Variants in ADGRD1 observed in about 807,000 individuals in gnomAD.
ADGRD1 encodes adhesion G protein-coupled receptor D1, also known as G-protein coupled receptor 133.
ADGRD1 carries 77 observed loss-of-function variants against 113.4 expected under a neutral mutation model. The observed-to-expected ratio is 0.68, with a 90% CI of 0.57 to 0.82. ADGRD1 has a LOEUF of 0.82. Ranked by LOEUF, ADGRD1 falls within the 40% of genes least tolerant of loss-of-function variation. The pLI, the probability that ADGRD1 is intolerant of heterozygous loss-of-function variation, is 0.00. For missense variants in ADGRD1, 1,036 were observed against 1,139.1 expected, an observed-to-expected ratio of 0.91 and a Z score of 1.30; for synonymous variants, 474 against 475.0, an observed-to-expected ratio of 1.00 and a Z score of 0.03.
intron 15 of ADGRD1, among the ~76,000 whole-genome samples, chr12:131,089,945 G>A (rs1151348): frequency 0.06 from 9,204 of 152,312 alleles, 308 homozygotes; most frequent in Non-Finnish European, 0.07. Flanking sequence ...AGCCCAGTGT[G>A]ACTTCCTTCT....
At chr12:131,123,395 G>A (rs983070511) in intron 20 of ADGRD1, among the ~76,000 whole-genome samples, 2 of 151,876 alleles carry the variant, frequency 1.3e-5, no homozygotes, top group Non-Finnish European at 1.5e-5. Flanking sequence ...CTGAAGTTTC[G>A]GCTTGTTGGC....
rs375084180 is a variant in ADGRD1, at chr12:130,987,200, G to A, written c.596G>A (p.Arg199His). The change falls in exon 6 of 25, where the codon CGT becomes CAT. Residue 199 changes from arginine (R) to histidine (H), a missense_variant. Transcript: ENST00000261654. ...TCTGATCCGAGTGGAAAAGTGTCTC[G>A]TGACTATGGAGAGTCCAACGTCAAC... ...STSDPSGKVS[R>H]DYGESNVNLV... 372 of 1,614,100 alleles carry A rather than the reference G, an allele frequency of 2.3e-4. 1 individual carries two copies. Among genetic ancestry groups the A allele is most frequent in the Non-Finnish European group, 3.0e-4 (352 of 1,180,036 alleles).
intron 13 of ADGRD1, among the ~76,000 whole-genome samples, chr12:131,019,914 G>A (rs1879104182): frequency 1.8e-5 from 1 of 54,568 alleles, no homozygotes; most frequent in Non-Finnish European, 4.5e-5. Flanking sequence ...GCTCCATCAA[G>A]GGCAGGGGGT....
At chr12:131,073,769 G>GT (rs1885361969) in intron 13 of ADGRD1, among the ~76,000 whole-genome samples, 1 of 152,250 alleles carries the variant, frequency 6.6e-6, no homozygotes, top group South Asian at 2.1e-4. Flanking sequence ...GAAAGCCAGT[G>GT]TGAGTGAAAG....
chr12:131,003,930 G>A lies in ADGRD1; in HGVS notation c.1145-256G>A, dbSNP rs558351797. Among the ~76,000 whole-genome samples, 2 of 152,254 alleles carry A rather than the reference G, an allele frequency of 1.3e-5. No homozygotes were observed. Among genetic ancestry groups the A allele is most frequent in the East Asian group, 1.9e-4 (1 of 5,164 alleles). ...TGAGAGCTGGGGGCTGTGCTGGGGC[G>A]GAGGGCGCCCCAGGTGAGGAGCCGC... On this transcript the variant is annotated intron_variant, in intron 10 of 24. Coordinates refer to ENST00000261654, the MANE Select transcript of ADGRD1 (RefSeq NM_198827.5). This position sits in a 1 kb window ranked among gnomAD's most constrained non-coding sequence, Gnocchi z 4.8.
At chr12:131,021,821 G>A (rs978548435) in intron 13 of ADGRD1, among the ~76,000 whole-genome samples, 3 of 152,050 alleles carry the variant, frequency 2.0e-5, no homozygotes, top group Non-Finnish European at 4.4e-5. Context: ...ATCCTCCTGC[G>A]TCAGCCTCCT....
At chr12:131,008,404 A>T (rs1436405120) in intron 12 of ADGRD1, among the ~76,000 whole-genome samples, 1 of 152,172 alleles carries the variant, frequency 6.6e-6, no homozygotes, top group African/African-American at 2.4e-5. Context: ...GTGTGTTGTG[A>T]GGATGAAAGG....
rs188455439 is a variant in ADGRD1 at position 131,039,865 on chromosome 12, A to G, written c.1473+25525A>G. Among the ~76,000 whole-genome samples, 993 of 152,370 alleles carry G rather than the reference A, an allele frequency of 6.5e-3. 1 individual carries two copies. The highest frequency in any genetic ancestry group is 0.01 in the Non-Finnish European group (705 of 68,026). ...ATGCCACATAAAAACCTGGAGTTCTATGTTCCCTTGGCAAATAGAGGATCT... is the reference window on the plus strand; with the variant it reads ...ATGCCACATAAAAACCTGGAGTTCTGTGTTCCCTTGGCAAATAGAGGATCT... On this transcript the variant is annotated intron_variant, in intron 13 of 24. Transcript: ENST00000261654.
intron 23 of ADGRD1, chr12:131,137,702 A>T: frequency 4.0e-6 from 1 of 250,678 alleles, no homozygotes; most frequent in Non-Finnish European, 7.9e-6. Context: ...GCCGGGCAGA[A>T]GGGCTGCATG....
intron 3 of ADGRD1, chr12:130,969,350 G>T (rs533822533): frequency 2.7e-6 from 1 of 371,192 alleles, no homozygotes; most frequent in Non-Finnish European, 4.9e-6. Context: ...ACAGCAGGAA[G>T]TGAGTGGTGG....
At chr12:131,007,817 A>T (rs1877339247) in intron 12 of ADGRD1, among the ~76,000 whole-genome samples, 1 of 152,234 alleles carries the variant, frequency 6.6e-6, no homozygotes, top group African/African-American at 2.4e-5. Context: ...GTGAAGTTGG[A>T]TCTTCAGCTC....
At chr12:131,078,916 T>C (rs1481451976) in intron 14 of ADGRD1, among the ~76,000 whole-genome samples, 3 of 152,168 alleles carry the variant, frequency 2.0e-5, no homozygotes. Flanking sequence ...TCTGTGAGTT[T>C]TGACAAATGA....
chr12:130,959,157 A>G (rs1870054058), intron 2 of ADGRD1, among the ~76,000 whole-genome samples: 1 of 152,210 alleles, frequency 6.6e-6, no homozygotes, highest in Admixed American at 6.5e-5. Flanking sequence ...ACGCCAGCCT[A>G]CTTTCCACCA....
chr12:131,104,796 G>A lies in ADGRD1; in HGVS notation c.1672-35G>A. Reference sequence around the variant, plus strand: ...CTTCAGGCTCCGATGGGGTGCCTGGGCCTGCTGCTGACGCCTCTGCTCTGC... The same window carrying A: ...CTTCAGGCTCCGATGGGGTGCCTGGACCTGCTGCTGACGCCTCTGCTCTGC... On this transcript the variant is annotated intron_variant, in intron 15 of 24. Transcript: ENST00000261654. 2.7e-6 allele frequency: 4 copies of A among 1,464,938 alleles called. No individual in the cohort carries two copies. In the South Asian group the frequency reaches 3.7e-5, roughly 13 times the overall value. 90.7% of individuals were successfully genotyped at this position (1,464,938 alleles called of 1,614,324 possible).
At chr12:130,960,816 G>A (rs1325065174) in intron 2 of ADGRD1, among the ~76,000 whole-genome samples, 2 of 152,194 alleles carry the variant, frequency 1.3e-5, no homozygotes, top group African/African-American at 4.8e-5. Flanking sequence ...TAAATGCCAT[G>A]AGAAAACCAA....
At chr12:131,044,879 C>T (rs1338029230) in intron 13 of ADGRD1, among the ~76,000 whole-genome samples, 1 of 152,242 alleles carries the variant, frequency 6.6e-6, no homozygotes, top group African/African-American at 2.4e-5. Flanking sequence ...ACGCCCGCCT[C>T]GCGCCGTATT....
rs1330449423 is a variant in ADGRD1 at position 130,965,832 on chromosome 12, T to C, written c.104-631T>C. On this transcript the variant is annotated intron_variant, in intron 2 of 24. Transcript: ENST00000261654. This position sits in a 1 kb window ranked among gnomAD's most constrained non-coding sequence, Gnocchi z 4.8. ...AGTAATGCTTAGTGTGGAGGAAGCA[T>C]AGAGGGAAAATAGAATGACCAGGAT... 6.6e-6 allele frequency among the ~76,000 whole-genome samples: 1 copy of C among 152,200 alleles called. No homozygotes were observed. Among genetic ancestry groups the C allele is most frequent in the Non-Finnish European group, 1.5e-5 (1 of 68,028 alleles).
In ADGRD1 at chr12:131,024,722, G is replaced by A. The variant is rs150625355; in HGVS notation, c.1473+10382G>A. 2.6e-3 allele frequency: 399 copies of A among 152,354 alleles called. 1 individual carries two copies. The highest frequency in any genetic ancestry group is 7.5e-3 in the African/African-American group (312 of 41,582). The allele number at this position is 152,354 out of a possible 1,614,324, so 9.4% of individuals were successfully genotyped here. A position where few individuals can be genotyped will look rare whatever the true frequency, so the allele number is the denominator to read the frequency against. ...GTGATGTTCACAGCACGATGAAATC[G>A]CCTAATGATGCATTTTCACAATGTG... On this transcript the variant is annotated intron_variant, in intron 13 of 24. Transcript: ENST00000261654.
intron 15 of ADGRD1, among the ~76,000 whole-genome samples, chr12:131,099,866 C>T (rs1950029466): frequency 6.6e-6 from 1 of 152,116 alleles, no homozygotes; most frequent in Non-Finnish European, 1.5e-5. Context: ...TTTAGTACTC[C>T]CCATTGTGCC....
Sources: allele counts gnomAD v4.1 joint callset (sites outside exome capture counted in the v4.1 genomes callset), GRCh38; gene constraint gnomAD v4.1.1; non-coding constraint Gnocchi (gnomAD v3.1); transcripts MANE v1.5; gene names NCBI Gene and HGNC (gene_info 2026-07-23, HGNC 2026-07-21).